Variants in CNTN4 observed in about 807,000 individuals in gnomAD.
The protein encoded by CNTN4 is contactin-4.
Under a neutral mutation model 122.5 loss-of-function variants are expected in CNTN4, and 77 were observed. That is an observed-to-expected ratio of 0.63 (90% CI 0.52 to 0.76). CNTN4 has a LOEUF of 0.76. CNTN4 is among the 30% of genes least tolerant of loss of function. The pLI is 0.00. For missense variants in CNTN4, 1,256 were observed against 1,259.1 expected (o/e 1.00, Z 0.04); for synonymous variants, 512 against 447.0 (o/e 1.15, Z -1.83).
intron 6 of CNTN4, among the ~76,000 whole-genome samples, chr3:2,808,885 T>C (rs1221375745): frequency 6.6e-6 from 1 of 152,240 alleles, no homozygotes; most frequent in East Asian, 1.9e-4. Context: ...GTAGCCAAGA[T>C]GCTGGAAAGC....
intron 2 of CNTN4, among the ~76,000 whole-genome samples, chr3:2,277,407 G>A (rs145566494): frequency 6.7e-4 from 102 of 152,132 alleles, no homozygotes; most frequent in African/African-American, 2.3e-3. Flanking sequence ...TATATATATG[G>A]AGTGGAACAA....
At chr3:2,368,141 T>C (rs543187055) in intron 3 of CNTN4, among the ~76,000 whole-genome samples, 30 of 150,596 alleles carry the variant, frequency 2.0e-4, no homozygotes, top group African/African-American at 6.3e-4. Flanking sequence ...CATGCCATTC[T>C]CCTGCCTCAG....
intron 20 of CNTN4, 151 bp from the exon 21 acceptor site, chr3:3,042,159 A>T: frequency 1.5e-6 from 1 of 678,482 alleles, no homozygotes; most frequent in Non-Finnish European, 2.7e-6. Flanking sequence ...TCCAGCTATT[A>T]ATCACTGCCC....
intron 3 of CNTN4, among the ~76,000 whole-genome samples, chr3:2,384,685 C>T (rs2046170503): frequency 6.6e-6 from 1 of 152,042 alleles, no homozygotes; most frequent in Non-Finnish European, 1.5e-5. Flanking sequence ...CTCCCATGCT[C>T]TTAGCCCAGC....
In CNTN4 at chr3:2,774,154, G is replaced by T. The variant is rs4075529; in HGVS notation, c.358+28457G>T. On this transcript the variant is annotated intron_variant, in intron 6 of 24. Coordinates refer to ENST00000418658, the MANE Select transcript of CNTN4 (RefSeq NM_175607.3). ...CTCACACCTGTAGTCCCAGTTACCC[G>T]GGAGGCTGAGGCAAGAGGATAGCTT... 5.3e-5 allele frequency among the ~76,000 whole-genome samples: 8 copies of T among 152,006 alleles called. No individual in the cohort carries two copies. In the South Asian group the frequency reaches 1.7e-3, roughly 32 times the overall value.
At chr3:2,626,846 C>A (rs2082209578) in intron 4 of CNTN4, among the ~76,000 whole-genome samples, 1 of 152,178 alleles carries the variant, frequency 6.6e-6, no homozygotes, top group African/African-American at 2.4e-5. Context: ...GAGGAGGAAG[C>A]AAGCGTCTAG....
intron 4 of CNTN4, among the ~76,000 whole-genome samples, chr3:2,596,869 T>G (rs2080793560): frequency 6.6e-6 from 1 of 152,230 alleles, no homozygotes; most frequent in South Asian, 2.1e-4. Flanking sequence ...GAATCTGCAG[T>G]AAACTGGCTA....
intron 4 of CNTN4, among the ~76,000 whole-genome samples, chr3:2,697,334 G>A (rs2086096962): frequency 6.6e-6 from 1 of 152,086 alleles, no homozygotes; most frequent in Admixed American, 6.5e-5. Flanking sequence ...TTTTTCTTTG[G>A]AGAACTATAC....
At chr3:2,948,419 G>A (rs1229866774) in intron 13 of CNTN4, among the ~76,000 whole-genome samples, 1 of 152,188 alleles carries the variant, frequency 6.6e-6, no homozygotes, top group Non-Finnish European at 1.5e-5. Flanking sequence ...GAACTTGGGT[G>A]TTGTGACTGA....
At chr3:2,882,839 C>A (rs1257158170) in intron 8 of CNTN4, 1 of 327,874 alleles carries the variant, frequency 3.0e-6, no homozygotes, top group Non-Finnish European at 5.9e-6. Context: ...ATGACTAGCA[C>A]TTCATCCCCT....
At chr3:2,876,604 CCTT>C (rs1402684649) in intron 8 of CNTN4, among the ~76,000 whole-genome samples, 2 of 152,298 alleles carry the variant, frequency 1.3e-5, no homozygotes, top group African/African-American at 2.4e-5. Flanking sequence ...AAACTGGTCT[CCTT>C]CTGCCAACAG....
At chr3:2,455,872 T>C (rs532707594) in intron 3 of CNTN4, among the ~76,000 whole-genome samples, 1 of 152,206 alleles carries the variant, frequency 6.6e-6, no homozygotes, top group Admixed American at 6.6e-5. Context: ...ACCTGGACAC[T>C]AGATATTCAA....
At chr3:3,045,185 C>A (rs1461802265) in intron 23 of CNTN4, among the ~76,000 whole-genome samples, 1 of 152,206 alleles carries the variant, frequency 6.6e-6, no homozygotes, top group Admixed American at 6.5e-5. Context: ...GGCCTGCCTG[C>A]CTCCTTGCCC....
At chr3:2,246,367 C>T (rs997230231) in intron 2 of CNTN4, among the ~76,000 whole-genome samples, 1 of 151,942 alleles carries the variant, frequency 6.6e-6, no homozygotes, top group Non-Finnish European at 1.5e-5. Flanking sequence ...TTTTAATACC[C>T]CTTATCCTGA....
intron 2 of CNTN4, among the ~76,000 whole-genome samples, chr3:2,162,722 G>C (rs1291629726): frequency 6.6e-6 from 1 of 152,172 alleles, no homozygotes; most frequent in Non-Finnish European, 1.5e-5. Flanking sequence ...ATTTAAAGTT[G>C]AATATAGGAG....
At chr3:2,644,218 A>G (rs186205403) in intron 4 of CNTN4, among the ~76,000 whole-genome samples, 2 of 152,322 alleles carry the variant, frequency 1.3e-5, no homozygotes, top group East Asian at 3.9e-4. Context: ...CCAAAGGGAA[A>G]GGAACTTGGT....
intron 12 of CNTN4, among the ~76,000 whole-genome samples, chr3:2,920,865 A>G (rs867263084): frequency 4.1e-4 from 63 of 152,342 alleles, no homozygotes; most frequent in African/African-American, 1.4e-3. Flanking sequence ...CCGTGGAAGA[A>G]GCATTATTAG....
chr3:2,675,765 C>T (rs150313266), intron 4 of CNTN4, among the ~76,000 whole-genome samples: 4 of 152,298 alleles, frequency 2.6e-5, no homozygotes, highest in South Asian at 2.1e-4. Flanking sequence ...AACTCAAATA[C>T]GAACACACGC....
At chr3:2,850,485 C>T (rs1192257174) in intron 7 of CNTN4, among the ~76,000 whole-genome samples, 5 of 152,154 alleles carry the variant, frequency 3.3e-5, no homozygotes, top group African/African-American at 9.7e-5. Context: ...AGGACAGATA[C>T]CATCACCCCA....
Sources: gnomAD v4.1 joint callset for allele counts (sites outside exome capture counted in the v4.1 genomes callset) on GRCh38, gnomAD v4.1.1 for gene constraint, MANE v1.5 for transcripts, NCBI Gene and HGNC (gene_info 2026-07-23, HGNC 2026-07-21) for gene names.